The following CEP63 variants were observed in gnomAD, a reference collection of about 807,000 sequenced individuals.
The protein encoded by CEP63 is centrosomal protein 63.
Under a neutral mutation model 89.1 loss-of-function variants are expected in CEP63, and 84 were observed. That is an observed-to-expected ratio of 0.94 (90% CI 0.79 to 1.13). The LOEUF (loss-of-function observed/expected upper bound fraction) is 1.13. Among genes scored for constraint, CEP63 ranks in the 50% most tolerant of loss-of-function variants. The probability of loss-of-function intolerance (pLI) is 0.00; values close to 1 mark genes in which losing one functional copy is unlikely to be tolerated. For missense variants in CEP63, 838 were observed against 813.3 expected (o/e 1.03, Z -0.37); for synonymous variants, 267 against 272.5 (o/e 0.98, Z 0.20).
Position 134,561,800 on chromosome 3 carries a change from A to G in CEP63, c.*265A>G, listed in dbSNP as rs2110187541. On this transcript the variant is annotated 3_prime_UTR_variant, in exon 15 of 15. Transcript: ENST00000675561. The stretch of plus-strand genomic sequence containing the variant: ...CTCATACGAATATTTATTATCATAA[A>G]GTGATACTTACCTTGCTGACTTAAA... The G allele has an allele frequency of 8.0e-7, 1 of 1,256,942 alleles. No individual in the cohort carries two copies. The highest frequency in any genetic ancestry group is 1.7e-5 in the South Asian group (1 of 57,926). The allele number at this position is 1,256,942 out of a possible 1,614,324, so 77.9% of individuals were successfully genotyped here.
chr3:134,519,265 AG>A (rs1478338232), intron 3 of CEP63, among the ~76,000 whole-genome samples: 1 of 151,762 alleles, frequency 6.6e-6, no homozygotes, highest in African/African-American at 2.4e-5. Flanking sequence ...CTGGGTCTGC[AG>A]GTGCGCACCA....
downstream of CEP63, among the ~76,000 whole-genome samples, chr3:134,587,812 G>T (rs1958515987): frequency 6.6e-6 from 1 of 151,102 alleles, no homozygotes; most frequent in South Asian, 2.1e-4. Context: ...TTCCTATTTG[G>T]CCATCTTGGA....
the CEP63 span, among the ~76,000 whole-genome samples, chr3:134,677,696 G>A: frequency 9.2e-5 from 14 of 152,016 alleles, no homozygotes; most frequent in African/African-American, 3.4e-4. Flanking sequence ...CTGCCTCCAT[G>A]CTCAGGACTT....
chr3:134,733,282 A>T, the CEP63 span, among the ~76,000 whole-genome samples: 1 of 152,154 alleles, frequency 6.6e-6, no homozygotes, highest in Admixed American at 6.6e-5. Flanking sequence ...ATTGTCTGCC[A>T]GCACACATAC....
At chr3:134,714,246 G>T in the CEP63 span, among the ~76,000 whole-genome samples, 1 of 152,194 alleles carries the variant, frequency 6.6e-6, no homozygotes, top group African/African-American at 2.4e-5. Context: ...GTTAGACGAG[G>T]TCAAAGAAAA....
chr3:134,706,608 C>G, the CEP63 span, among the ~76,000 whole-genome samples: 5 of 152,180 alleles, frequency 3.3e-5, no homozygotes, highest in Admixed American at 2.0e-4. Flanking sequence ...TTGACATTCT[C>G]AAGGTTCACC....
At chr3:134,755,260 T>TG in the CEP63 span, among the ~76,000 whole-genome samples, 6 of 110,042 alleles carry the variant, frequency 5.5e-5, no homozygotes, top group African/African-American at 1.9e-4. Flanking sequence ...CCCTGAGCCC[T>TG]GAGCCCCTGG....
the CEP63 span, among the ~76,000 whole-genome samples, chr3:134,744,351 G>A: frequency 6.6e-6 from 1 of 152,160 alleles, no homozygotes; most frequent in Admixed American, 6.6e-5. Flanking sequence ...TAGCCCCCTG[G>A]AGACACCTTT....
chr3:134,699,718 A>G, the CEP63 span, among the ~76,000 whole-genome samples: 2 of 152,210 alleles, frequency 1.3e-5, no homozygotes, highest in East Asian at 3.8e-4. Flanking sequence ...ATCTCAGCTC[A>G]TAATTTCAAG....
At chr3:134,607,199 A>G in the CEP63 span, 9 of 985,374 alleles carry the variant, frequency 9.1e-6, no homozygotes, top group Middle Eastern at 5.2e-4. Context: ...AGCACAGGAA[A>G]TGGATTCTCA....
chr3:134,623,508 C>CTCGTATG, the CEP63 span, among the ~76,000 whole-genome samples: 1 of 152,076 alleles, frequency 6.6e-6, no homozygotes, highest in East Asian at 1.9e-4. Flanking sequence ...CGTATGTCCT[C>CTCGTATG]ACCTCCTCCC....
At chr3:134,624,729 G>A in the CEP63 span, among the ~76,000 whole-genome samples, 1 of 152,196 alleles carries the variant, frequency 6.6e-6, no homozygotes, top group Non-Finnish European at 1.5e-5. Flanking sequence ...CATAGCTTAG[G>A]AGCAGAAATG....
intron 1 of CEP63, chr3:134,488,019 G>A (rs1559842896): frequency 6.6e-6 from 1 of 152,028 alleles, no homozygotes; most frequent in Non-Finnish European, 1.5e-5. Context: ...TCTAAACCAG[G>A]GGCCCCCAAA....
At chr3:134,626,908 C>T in the CEP63 span, among the ~76,000 whole-genome samples, 3 of 152,232 alleles carry the variant, frequency 2.0e-5, no homozygotes, top group Admixed American at 2.0e-4. Context: ...TCTGCAGAAT[C>T]TGTTCCTATC....
At chr3:134,671,784 C>T in the CEP63 span, among the ~76,000 whole-genome samples, 2 of 152,108 alleles carry the variant, frequency 1.3e-5, no homozygotes, top group Non-Finnish European at 2.9e-5. Context: ...AATGAAAAAT[C>T]AGAAAAAGGG....
chr3:134,575,266 C>T (rs1255320779), downstream of CEP63, among the ~76,000 whole-genome samples: 2 of 122,740 alleles, frequency 1.6e-5, no homozygotes, highest in Non-Finnish European at 3.3e-5. Context: ...TTCCTTGCTT[C>T]CCTCTTTCCC....
chr3:134,561,290 T>G (rs1957298340), intron 14 of CEP63, 87 bp from the exon 15 acceptor site: 3 of 1,315,050 alleles, frequency 2.3e-6, no homozygotes, highest in Non-Finnish European at 3.3e-6. Flanking sequence ...CTTTTAATAT[T>G]GCTAGTTAGA....
chr3:134,675,887 G>T, the CEP63 span, among the ~76,000 whole-genome samples: 9 of 152,210 alleles, frequency 5.9e-5, no homozygotes, highest in East Asian at 1.7e-3. Flanking sequence ...GATAACAAGT[G>T]TTGGCAAAGA....
At chr3:134,610,911 A>T in the CEP63 span, among the ~76,000 whole-genome samples, 1 of 152,116 alleles carries the variant, frequency 6.6e-6, no homozygotes, top group African/African-American at 2.4e-5. Flanking sequence ...TTGTGAGGGT[A>T]CAGAAGCCAA....
Sources: allele counts gnomAD v4.1 joint callset (sites outside exome capture counted in the v4.1 genomes callset), GRCh38; gene constraint gnomAD v4.1.1; transcripts MANE v1.5; gene names NCBI Gene and HGNC (gene_info 2026-07-23, HGNC 2026-07-21).